NFS1: variants seen among roughly 807,000 people sequenced by gnomAD.
NFS1 encodes NFS1 cysteine desulfurase.
A neutral mutation model predicts 57.3 loss-of-function variants in NFS1; 26 were observed. That is an observed-to-expected ratio of 0.45 (90% CI 0.33 to 0.63). The LOEUF (loss-of-function observed/expected upper bound fraction) is 0.63. Ranked by LOEUF, NFS1 falls within the 20% of genes least tolerant of loss-of-function variation. The pLI, the probability that NFS1 is intolerant of heterozygous loss-of-function variation, is 0.02. For missense variants in NFS1, 505 were observed against 605.8 expected (o/e 0.83, Z 1.75); for synonymous variants, 209 against 216.3 (o/e 0.97, Z 0.30).
chr20:35,686,796 T>C (rs2034951696), intron 5 of NFS1, among the ~76,000 whole-genome samples: 1 of 152,068 alleles, frequency 6.6e-6, no homozygotes, highest in Non-Finnish European at 1.5e-5. Flanking sequence ...ATAAAATATA[T>C]AAAATAAGAA....
intron 7 of NFS1, among the ~76,000 whole-genome samples, chr20:35,676,884 G>A (rs1447616430): frequency 7.1e-6 from 1 of 141,324 alleles, no homozygotes; most frequent in South Asian, 2.3e-4. Context: ...CTTTTTTTTT[G>A]AGACAAGAGT....
At chr20:35,675,287 T>G (rs2034722717) in intron 7 of NFS1, 85 bp from the exon 8 acceptor site, 1 of 1,356,938 alleles carries the variant, frequency 7.4e-7, no homozygotes, top group Non-Finnish European at 9.8e-7. Flanking sequence ...ATCAAAATAT[T>G]ACTTCAACTT....
Position 35,699,209 on chromosome 20 carries a change from C to G in NFS1, c.80G>C (p.Arg27Pro). ...APGPKPAAPT[R>P]GLRLRVGDRA... ...GAGCGTACCGCGCAGGCGCAGCCCC[C>G]GAGTGGGCGCCGCGGGCTTCGGCCC... is the stretch of plus-strand genomic sequence containing the variant. Residue 27 changes from arginine to proline, a missense_variant, in exon 1 of 13, where the codon CGG becomes CCG. Transcript: ENST00000374092. The surrounding 1 kb of genome is among the most constrained non-coding windows in gnomAD (Gnocchi z 4.4). 4.9e-6 allele frequency: 7 copies of G among 1,423,050 alleles called. No individual in the cohort carries two copies. Among genetic ancestry groups the G allele is most frequent in the Non-Finnish European group, 6.4e-6 (7 of 1,098,606 alleles). The allele number at this position is 1,423,050 out of a possible 1,614,324, so 88.2% of individuals were successfully genotyped here.
rs748027530 is a variant in NFS1 at position 35,681,925 on chromosome 20, G to A, written c.618C>T (p.Asn206=). 4 of 1,612,870 alleles carry A rather than the reference G, an allele frequency of 2.5e-6. No homozygotes were observed. The East Asian group carries it at 8.9e-5, about 36-fold the overall frequency. ...TAGGCTGCTTCACTCCAATCTCATT[G>A]TTCACAGTCATGACTGACACCAGGC... The part of the protein sequence containing the change: ...DTSLVSVMTV[N]NEIGVKQPIA... Residue 206 remains asparagine, a synonymous_variant, in exon 6 of 13, where the codon AAC becomes AAT. Transcript: ENST00000374092.
At chr20:35,675,934 T>C (rs1260828241) in intron 7 of NFS1, 4 of 144,126 alleles carry the variant, frequency 2.8e-5, no homozygotes, top group Non-Finnish European at 6.1e-5. Flanking sequence ...ATCTCCAAGA[T>C]ACATTGTTAC....
chr20:35,680,253 C>A (rs956749663), intron 7 of NFS1, among the ~76,000 whole-genome samples: 1 of 151,932 alleles, frequency 6.6e-6, no homozygotes, highest in Non-Finnish European at 1.5e-5. Context: ...TGCAGTGAAC[C>A]GAGATGGCGC....
chr20:35,672,941 A>T, intron 11 of NFS1, 97 bp from the exon 12 acceptor site: 2 of 710,110 alleles, frequency 2.8e-6, no homozygotes, highest in Non-Finnish European at 4.8e-6. Flanking sequence ...GACACAAAAG[A>T]TATGGAGAGA....
chr20:35,696,307 C>T, intron 4 of NFS1, 70 bp downstream of exon 4: 4 of 1,038,764 alleles, frequency 3.9e-6, no homozygotes, highest in Non-Finnish European at 6.1e-6. Flanking sequence ...TATACGAGTC[C>T]AAATGATGGA....
intron 11 of NFS1, 98 bp downstream of exon 11, chr20:35,673,503 T>C: frequency 1.0e-6 from 1 of 1,003,184 alleles, no homozygotes; most frequent in African/African-American, 1.6e-5. Context: ...AGAACTCGAC[T>C]GAGAAAAACT....
chr20:35,687,251 C>G (rs1185233942), intron 5 of NFS1, among the ~76,000 whole-genome samples: 2 of 152,224 alleles, frequency 1.3e-5, no homozygotes, highest in African/African-American at 2.4e-5. Context: ...GGAGGCCTAA[C>G]CGTCTCCCTG....
At chr20:35,684,092 G>A (rs1455522050) in intron 5 of NFS1, among the ~76,000 whole-genome samples, 5 of 151,660 alleles carry the variant, frequency 3.3e-5, no homozygotes, top group African/African-American at 7.3e-5. Flanking sequence ...CAGCTGGGGC[G>A]ACCAGAGCAA....
rs2035199797 is a variant in NFS1, at chr20:35,699,196, C to T, written c.93G>A (p.Leu31=). ...KPAAPTRGLR[L]RVGDRAPQSA... The stretch of plus-strand genomic sequence containing the variant: ...GAGAGCGGGACCCGAGCGTACCGCG[C>T]AGGCGCAGCCCCCGAGTGGGCGCCG... Residue 31 remains leucine (L), a synonymous_variant, in exon 1 of 13, where the codon CTG becomes CTA. Transcript: ENST00000374092. The surrounding 1 kb of genome is among the most constrained non-coding windows in gnomAD (Gnocchi z 4.4). 2 of 1,411,808 alleles carry T rather than the reference C, an allele frequency of 1.4e-6. No homozygotes were observed. The highest frequency in any genetic ancestry group is 1.8e-6 in the Non-Finnish European group (2 of 1,094,066). The allele number at this position is 1,411,808 out of a possible 1,614,324, so 87.5% of individuals were successfully genotyped here. A position where few individuals can be genotyped will look rare whatever the true frequency, so the allele number is the denominator to read the frequency against.
intron 5 of NFS1, among the ~76,000 whole-genome samples, chr20:35,686,446 A>T (rs1474268922): frequency 6.6e-6 from 1 of 151,944 alleles, no homozygotes; most frequent in Non-Finnish European, 1.5e-5. Flanking sequence ...GACAGTGATG[A>T]TTGTTGGAAA....
Position 35,697,758 on chromosome 20 carries a change from A to C in NFS1, c.250T>G (p.Tyr84Asp), listed in dbSNP as rs1429348337. ...GTCCGGGAGTGTGGGTTCCCATAGT[A>C]GTTGATTAGGTAAGGGAGCATGGCA... is the stretch of plus-strand genomic sequence containing the variant. ...LDAMLPYLIN[Y>D]YGNPHSRTHA... Residue 84 changes from tyrosine (Y) to aspartate (D), a missense_variant, in exon 3 of 13, where the codon TAC (tyrosine) becomes GAC (aspartate). By Grantham distance (160) the Tyr-to-Asp change is radical. Coordinates refer to ENST00000374092, the MANE Select transcript of NFS1 (RefSeq NM_021100.5). 6.2e-7 allele frequency: 1 copy of C among 1,613,794 alleles called. No individual in the cohort carries two copies. Among genetic ancestry groups the C allele is most frequent in the South Asian group, 1.1e-5 (1 of 91,072 alleles).
At chr20:35,690,389 C>T (rs1224662157) in intron 5 of NFS1, 24 bp downstream of exon 5, 1 of 1,602,192 alleles carries the variant, frequency 6.2e-7, no homozygotes, top group Admixed American at 1.7e-5. Flanking sequence ...CATTTTTGCT[C>T]CTCCTGCCAA....
In NFS1 at chr20:35,674,629, G is replaced by T. The variant is rs2034710699; in HGVS notation, c.949-12C>A. The stretch of plus-strand genomic sequence containing the variant: ...CGCTTGTGGTCATACTAAGGAGCAG[G>T]CAAGGAAGGATTAGGCAGTAACCAT... On this transcript the variant is annotated splice_polypyrimidine_tract_variant and intron_variant, in intron 8 of 12. Transcript: ENST00000374092. 1.2e-6 allele frequency: 2 copies of T among 1,603,668 alleles called. No homozygotes were observed. Among genetic ancestry groups the T allele is most frequent in the African/African-American group, 2.7e-5 (2 of 74,696 alleles).
At chr20:35,681,781 T>C in intron 6 of NFS1, 107 bp downstream of exon 6, 4 of 622,950 alleles carry the variant, frequency 6.4e-6, no homozygotes, top group Non-Finnish European at 1.2e-5. Context: ...ACTTAGGCTT[T>C]CCCTTGATTT....
chr20:35,676,914 T>A (rs2034762503), intron 7 of NFS1, among the ~76,000 whole-genome samples: 1 of 151,944 alleles, frequency 6.6e-6, no homozygotes, highest in African/African-American at 2.4e-5. Context: ...TTGCCCAGAC[T>A]GGAGTGCAAT....
intron 4 of NFS1, 89 bp from the exon 5 acceptor site, chr20:35,690,654 G>C (rs909364933): frequency 2.3e-6 from 3 of 1,322,574 alleles, no homozygotes; most frequent in Admixed American, 3.6e-5. Flanking sequence ...AAGTGGGCAA[G>C]AACAGTATGC....
Sources: allele counts gnomAD v4.1 joint callset (sites outside exome capture counted in the v4.1 genomes callset), GRCh38; gene constraint gnomAD v4.1.1; non-coding constraint Gnocchi (gnomAD v3.1); transcripts MANE v1.5; gene names NCBI Gene and HGNC (gene_info 2026-07-23, HGNC 2026-07-21).